YAP1: variants seen among roughly 807,000 people sequenced by gnomAD.
YAP1 encodes transcriptional coactivator YAP1.
Under a neutral mutation model 56.9 loss-of-function variants are expected in YAP1, and 5 were observed. The ratio of observed to expected loss-of-function variants is 0.09; its 90% CI spans 0.05 to 0.18. YAP1 has a LOEUF of 0.18. Among genes scored for constraint, YAP1 ranks in the 10% least tolerant of loss-of-function variants. The pLI, the probability that YAP1 is intolerant of heterozygous loss-of-function variation, is 1.00. For missense variants in YAP1, 539 were observed against 651.8 expected, an observed-to-expected ratio of 0.83 and a Z score of 1.88; for synonymous variants, 265 against 248.1, an observed-to-expected ratio of 1.07 and a Z score of -0.64.
At position 102,114,250 on chromosome 11, in the gene YAP1, C is replaced by T; in HGVS notation, c.428C>T (p.Thr143Ile). 2 of 1,614,154 alleles carry T rather than the reference C, an allele frequency of 1.2e-6. No homozygotes were observed. Among genetic ancestry groups the T allele is most frequent in the South Asian group, 1.1e-5 (1 of 91,086 alleles). ...GGAGCTGTTTCTCCTGGGACACTGA[C>T]CCCCACTGGAGTAGTCTCTGGCCCA... is the stretch of plus-strand genomic sequence containing the variant. ...QLGAVSPGTL[T>I]PTGVVSGPAA... Residue 143 changes from threonine (T) to isoleucine (I), a missense_variant, in exon 2 of 9, where the codon ACC becomes ATC. Physicochemically the swap from Thr to Ile is moderately conservative, Grantham distance 89 (BLOSUM62 -1). Around this residue, in one of 4 missense-constraint regions of YAP1, gnomAD observed 414 missense variants for 512.4 expected, o/e 0.81. Coordinates refer to ENST00000282441, the MANE Select transcript of YAP1 (RefSeq NM_001130145.3).
chr11:102,170,693 G>A (rs1946850521), intron 3 of YAP1, among the ~76,000 whole-genome samples: 1 of 152,156 alleles, frequency 6.6e-6, no homozygotes, highest in Non-Finnish European at 1.5e-5. Context: ...GGTAGGCCGG[G>A]TGTGGTGGCT....
Position 102,112,428 on chromosome 11 carries a change from T to C in YAP1, c.321+1259T>C, listed in dbSNP as rs866650629. The stretch of plus-strand genomic sequence containing the variant: ...TCTTTCTTTTTTATTTCTTCTTCTT[T>C]TTTTTTTTTTTTTTTTTTGAGAACT... On this transcript the variant is annotated intron_variant, in intron 1 of 8. Coordinates refer to ENST00000282441, the MANE Select transcript of YAP1 (RefSeq NM_001130145.3). 5.9e-3 allele frequency: 4,936 copies of C among 839,364 alleles called. 3 individuals carry two copies. Among genetic ancestry groups the C allele is most frequent in the Non-Finnish European group, 6.6e-3 (4,646 of 702,402 alleles). 52.0% of individuals were successfully genotyped at this position (839,364 alleles called of 1,614,324 possible). A position where few individuals can be genotyped will look rare whatever the true frequency, so the allele number is the denominator to read the frequency against.
intron 6 of YAP1, among the ~76,000 whole-genome samples, chr11:102,210,740 CTTTTTGTTTTTGT>C (rs941294733): frequency 1.4e-4 from 22 of 151,870 alleles, no homozygotes; most frequent in African/African-American, 4.3e-4. Context: ...TTTGTTTTGT[CTTTTTGTTTTTGT>C]TTTTTGTTTT....
At chr11:102,136,965 G>C (rs1944711563) in intron 2 of YAP1, among the ~76,000 whole-genome samples, 1 of 152,204 alleles carries the variant, frequency 6.6e-6, no homozygotes, top group African/African-American at 2.4e-5. Context: ...GTTGTAGTCA[G>C]ATAAATTTAA....
chr11:102,168,772 T>C (rs1300021283), intron 3 of YAP1, among the ~76,000 whole-genome samples: 1 of 152,200 alleles, frequency 6.6e-6, no homozygotes, highest in African/African-American at 2.4e-5. Context: ...GCCTGTGTAA[T>C]ATCTCTCAGC....
chr11:102,149,354 G>A (rs1321045464), intron 2 of YAP1, among the ~76,000 whole-genome samples: 4 of 152,184 alleles, frequency 2.6e-5, no homozygotes, highest in Admixed American at 1.3e-4. Context: ...AGATGGGTAT[G>A]ATATGTATGC....
At chr11:102,157,934 A>G (rs1479640160) in intron 2 of YAP1, among the ~76,000 whole-genome samples, 1 of 152,208 alleles carries the variant, frequency 6.6e-6, no homozygotes, top group Non-Finnish European at 1.5e-5. Context: ...CATTTTTAAA[A>G]AAGTTTCTAA....
chr11:102,124,022 G>A (rs1943872125), intron 2 of YAP1, among the ~76,000 whole-genome samples: 1 of 151,386 alleles, frequency 6.6e-6, no homozygotes, highest in Admixed American at 6.6e-5. Context: ...TGTGATCTCG[G>A]CTCATCGCAA....
At chr11:102,151,643 T>C (rs1230574452) in intron 2 of YAP1, among the ~76,000 whole-genome samples, 1 of 152,260 alleles carries the variant, frequency 6.6e-6, no homozygotes, top group Non-Finnish European at 1.5e-5. Context: ...TTATGTGTTA[T>C]TCATTTTGAT....
intron 3 of YAP1, among the ~76,000 whole-genome samples, chr11:102,163,092 A>G (rs572827819): frequency 6.6e-6 from 1 of 151,898 alleles, no homozygotes; most frequent in African/African-American, 2.4e-5. Context: ...ACCCAAAAGA[A>G]TATTTCTTAT....
intron 2 of YAP1, among the ~76,000 whole-genome samples, chr11:102,131,886 A>C (rs1357999094): frequency 1.3e-5 from 2 of 152,190 alleles, no homozygotes; most frequent in Admixed American, 1.3e-4. Context: ...CTTTAGGATT[A>C]AATGAGTAAG....
chr11:102,196,589 G>A (rs1345922535), intron 4 of YAP1, among the ~76,000 whole-genome samples: 1 of 151,590 alleles, frequency 6.6e-6, no homozygotes, highest in Non-Finnish European at 1.5e-5. Context: ...AACTGCTAAT[G>A]GATACAGGGC....
chr11:102,119,930 C>T (rs1196377339), intron 2 of YAP1, among the ~76,000 whole-genome samples: 1 of 152,144 alleles, frequency 6.6e-6, no homozygotes, highest in Non-Finnish European at 1.5e-5. Context: ...ATGCTACCCT[C>T]TGTAATAGCA....
chr11:102,162,614 C>A (rs376366224), intron 3 of YAP1, 43 bp downstream of exon 3: 2 of 1,571,094 alleles, frequency 1.3e-6, no homozygotes, highest in Admixed American at 1.7e-5. Context: ...GTAATGCTTA[C>A]GCATTGGTAA....
At chr11:102,125,320 C>G (rs1302289938) in intron 2 of YAP1, among the ~76,000 whole-genome samples, 1 of 151,254 alleles carries the variant, frequency 6.6e-6, no homozygotes, top group Non-Finnish European at 1.5e-5. Flanking sequence ...GTGCGCCTGG[C>G]CTGATTTTCT....
chr11:102,184,221 CAGTT>C (rs149706801), intron 3 of YAP1, among the ~76,000 whole-genome samples: 12 of 152,058 alleles, frequency 7.9e-5, no homozygotes, highest in Admixed American at 3.3e-4. Flanking sequence ...ATTTTAAATA[CAGTT>C]AGTTGTTTTG....
chr11:102,173,890 A>G (rs1056681480), intron 3 of YAP1, among the ~76,000 whole-genome samples: 1 of 152,230 alleles, frequency 6.6e-6, no homozygotes, highest in African/African-American at 2.4e-5. Context: ...GTTTGAGTTA[A>G]TGGTACCTCT....
At chr11:102,143,678 G>A (rs1324876485) in intron 2 of YAP1, among the ~76,000 whole-genome samples, 1 of 152,188 alleles carries the variant, frequency 6.6e-6, no homozygotes, top group African/African-American at 2.4e-5. Context: ...CATAGTGTAG[G>A]CATGAAAGGA....
chr11:102,127,668 G>A (rs1362126314), intron 2 of YAP1, among the ~76,000 whole-genome samples: 3 of 152,196 alleles, frequency 2.0e-5, no homozygotes, highest in Non-Finnish European at 4.4e-5. Flanking sequence ...GCACTGCCTA[G>A]TGGAGCTGTG....
Sources: gnomAD v4.1 joint callset for allele counts (sites outside exome capture counted in the v4.1 genomes callset) on GRCh38, gnomAD v4.1.1 for gene constraint, gnomAD v4.1.1 regional missense constraint, MANE v1.5 for transcripts, NCBI Gene and HGNC (gene_info 2026-07-23, HGNC 2026-07-21) for gene names.